RTL4: variants seen among roughly 807,000 people sequenced by gnomAD.
RTL4 encodes the protein retrotransposon Gag like 4, also known as retrotransposon Gag-like protein 4.
Under a neutral mutation model 5.3 loss-of-function variants are expected in RTL4, and 4 were observed. That is an observed-to-expected ratio of 0.75 (90% CI 0.37 to 1.72). The LOEUF is 1.72. Ranked by LOEUF, RTL4 falls within the 40% of genes most tolerant of loss-of-function variation. The pLI is 0.04. For missense variants in RTL4, 260 were observed against 227.1 expected (o/e 1.14, Z -0.93); for synonymous variants, 98 against 87.3 (o/e 1.12, Z -0.68).
the RTL4 span, among the ~76,000 whole-genome samples, chrX:112,114,287 G>A: frequency 9.0e-6 from 1 of 111,527 alleles, no homozygotes; most frequent in African/African-American, 3.3e-5. Context: ...GTCCCAGTGG[G>A]GATCCATACT....
At chrX:112,104,844 G>T in the RTL4 span, among the ~76,000 whole-genome samples, 2 of 111,506 alleles carry the variant, frequency 1.8e-5, no homozygotes, top group Non-Finnish European at 3.8e-5. Flanking sequence ...CCATTCTGTA[G>T]ATTGTCTCTT....
chrX:112,310,057 A>G, the RTL4 span, among the ~76,000 whole-genome samples: 1 of 105,268 alleles, frequency 9.5e-6, no homozygotes, highest in African/African-American at 3.5e-5. Context: ...CCTGTCTTAA[A>G]AAAACAGATA....
the RTL4 span, among the ~76,000 whole-genome samples, chrX:112,354,232 C>T: frequency 1.4e-4 from 15 of 110,826 alleles, no homozygotes; most frequent in Admixed American, 3.9e-4. Flanking sequence ...GACTTGGAAC[C>T]AGGCTGCTTG....
chrX:112,434,523 A>T, the RTL4 span, among the ~76,000 whole-genome samples: 1 of 111,378 alleles, frequency 9.0e-6, no homozygotes, highest in Non-Finnish European at 1.9e-5. Context: ...ATTTGCATAG[A>T]GGTGTTTGTA....
the RTL4 span, among the ~76,000 whole-genome samples, chrX:112,374,652 A>T: frequency 8.9e-6 from 1 of 111,979 alleles, no homozygotes; most frequent in Non-Finnish European, 1.9e-5. Context: ...AGTTTTTTGA[A>T]TTTTGTCTCC....
chrX:112,151,290 T>C, the RTL4 span, among the ~76,000 whole-genome samples: 2 of 111,826 alleles, frequency 1.8e-5, no homozygotes, highest in Non-Finnish European at 3.8e-5. Context: ...TTTAAGCCTC[T>C]CAGCAAATAT....
the RTL4 span, among the ~76,000 whole-genome samples, chrX:112,334,446 AC>A: frequency 9.0e-6 from 1 of 111,595 alleles, no homozygotes; most frequent in African/African-American, 3.3e-5. Flanking sequence ...TTCCTCCACA[AC>A]CTTACCAGCA....
At chrX:112,181,425 C>T in the RTL4 span, among the ~76,000 whole-genome samples, 1 of 112,047 alleles carries the variant, frequency 8.9e-6, no homozygotes, top group South Asian at 3.8e-4. Flanking sequence ...AGCTAAAATC[C>T]ACTGGCTTGA....
the RTL4 span, among the ~76,000 whole-genome samples, chrX:112,357,074 T>A: frequency 9.0e-6 from 1 of 111,475 alleles, no homozygotes; most frequent in Non-Finnish European, 1.9e-5. Context: ...AGATTATGTA[T>A]CCACAAGTTT....
At chrX:112,318,915 A>C in the RTL4 span, among the ~76,000 whole-genome samples, 2 of 111,897 alleles carry the variant, frequency 1.8e-5, no homozygotes, top group Non-Finnish European at 3.8e-5. Context: ...TAATCAACTT[A>C]AGAGAAAAAG....
At chrX:112,349,168 A>G in the RTL4 span, among the ~76,000 whole-genome samples, 1 of 111,158 alleles carries the variant, frequency 9.0e-6, no homozygotes, top group Admixed American at 9.6e-5. Context: ...AAACATTTAT[A>G]TACAATGAAC....
the RTL4 span, among the ~76,000 whole-genome samples, chrX:112,334,463 C>T: frequency 1.8e-5 from 2 of 111,635 alleles, no homozygotes; most frequent in East Asian, 2.8e-4. Context: ...CAGCATTCAA[C>T]GAGCATTTTA....
the RTL4 span, among the ~76,000 whole-genome samples, chrX:112,306,483 C>G: frequency 9.0e-6 from 1 of 111,502 alleles, no homozygotes; most frequent in East Asian, 2.8e-4. Context: ...GAAAACGAAG[C>G]CTTGGAGAGA....
chrX:112,187,831 CA>C, the RTL4 span, among the ~76,000 whole-genome samples: 1 of 111,478 alleles, frequency 9.0e-6, no homozygotes, highest in African/African-American at 3.3e-5. Flanking sequence ...CATCAACTGC[CA>C]AACAAAAGAG....
the RTL4 span, among the ~76,000 whole-genome samples, chrX:112,294,654 TCAAAAC>T: frequency 1.8e-5 from 2 of 111,910 alleles, no homozygotes; most frequent in East Asian, 5.6e-4. Flanking sequence ...CATTAATCCC[TCAAAAC>T]TACTTTTCAT....
chrX:112,369,849 A>C, the RTL4 span, among the ~76,000 whole-genome samples: 1 of 111,699 alleles, frequency 9.0e-6, no homozygotes. Flanking sequence ...AAATGGATAG[A>C]TTCTGGGTAT....
chrX:112,229,693 A>G, the RTL4 span, among the ~76,000 whole-genome samples: 147 of 112,146 alleles, frequency 1.3e-3, no homozygotes, highest in African/African-American at 4.7e-3. Context: ...TTGATGACAT[A>G]CAGATGGGTT....
At chrX:112,432,578 G>C in the RTL4 span, among the ~76,000 whole-genome samples, 1 of 96,572 alleles carries the variant, frequency 1.0e-5, no homozygotes, top group African/African-American at 3.9e-5. Context: ...TGATGGGGTT[G>C]TTTGTTTTTT....
chrX:112,255,045 C>T, the RTL4 span, among the ~76,000 whole-genome samples: 3 of 111,883 alleles, frequency 2.7e-5, no homozygotes, highest in Non-Finnish European at 5.6e-5. Flanking sequence ...CAGTTACTTA[C>T]AACTTAACAA....
Sources: gnomAD v4.1 joint callset for allele counts (sites outside exome capture counted in the v4.1 genomes callset) on GRCh38, gnomAD v4.1.1 for gene constraint, MANE v1.5 for transcripts, NCBI Gene and HGNC (gene_info 2026-07-23, HGNC 2026-07-21) for gene names.